Variants in LNX1 observed in about 807,000 individuals in gnomAD.
LNX1 encodes the protein E3 ubiquitin-protein ligase LNX.
A neutral mutation model predicts 68.4 loss-of-function variants in LNX1; 54 were observed. The ratio of observed to expected loss-of-function variants is 0.79; its 90% CI spans 0.63 to 0.99. The LOEUF (loss-of-function observed/expected upper bound fraction) is 0.99, where lower values mean the gene tolerates loss of function less well. Ranked by LOEUF, LNX1 falls within the 50% of genes least tolerant of loss-of-function variation. The pLI is 0.00. For missense variants in LNX1, 906 were observed against 926.4 expected (o/e 0.98, Z 0.29); for synonymous variants, 336 against 350.0 (o/e 0.96, Z 0.45).
At chr4:53,505,957 A>G (rs1167570727) in intron 4 of LNX1, among the ~76,000 whole-genome samples, 1 of 152,216 alleles carries the variant, frequency 6.6e-6, no homozygotes, top group Admixed American at 6.5e-5. Flanking sequence ...TAATAAGCTG[A>G]GAGCTGTTAG....
intron 1 of LNX1, among the ~76,000 whole-genome samples, chr4:53,580,353 C>T (rs1344896220): frequency 6.6e-6 from 1 of 152,170 alleles, no homozygotes; most frequent in Non-Finnish European, 1.5e-5. Context: ...CTTTCACATC[C>T]AAATCTCTTC....
intron 9 of LNX1, among the ~76,000 whole-genome samples, chr4:53,472,452 C>G (rs1224820350): frequency 6.6e-6 from 1 of 151,062 alleles, no homozygotes; most frequent in African/African-American, 2.4e-5. Flanking sequence ...CTAACCTGCA[C>G]GTTGTGCATA....
intron 4 of LNX1, among the ~76,000 whole-genome samples, chr4:53,502,504 T>C (rs1262136083): frequency 6.6e-6 from 1 of 152,246 alleles, no homozygotes; most frequent in Non-Finnish European, 1.5e-5. Context: ...TTCAGCTTGT[T>C]GTAATCTTTT....
At chr4:53,466,486 C>T (rs1376206831) in intron 9 of LNX1, among the ~76,000 whole-genome samples, 4 of 152,094 alleles carry the variant, frequency 2.6e-5, no homozygotes, top group Non-Finnish European at 4.4e-5. Context: ...GAGTGCCAGA[C>T]GGTGCAGGAC....
intron 2 of LNX1, among the ~76,000 whole-genome samples, chr4:53,601,011 G>A (rs1217237848): frequency 2.0e-5 from 3 of 148,440 alleles, no homozygotes; most frequent in African/African-American, 7.4e-5. Flanking sequence ...CCGGGAGGCC[G>A]AGGTTGCAGT....
At chr4:53,617,307 A>G (rs1222505568) in exon 1 of LNX1, 2 of 152,178 alleles carry the variant, frequency 1.3e-5, no homozygotes, top group South Asian at 4.1e-4. Context: ...CTCAGGGCAA[A>G]ACCACAGCTT....
intron 2 of LNX1, among the ~76,000 whole-genome samples, chr4:53,527,065 A>AAC (rs1489997231): frequency 6.6e-6 from 1 of 151,354 alleles, no homozygotes; most frequent in Non-Finnish European, 1.5e-5. Flanking sequence ...AAAAAAAAAA[A>AAC]AAAAAAACTA....
Position 53,507,354 on chromosome 4 carries a change from C to T in LNX1, c.738G>A (p.Gln246=). ...TGGTGTTTTCAGAATTTTCCCTGCC[C>T]TGGTCGGCATGGTTGGCAACTGCAC... is the stretch of plus-strand genomic sequence containing the variant. ...SGSAVANHAD[Q]GRENSENTTA... Residue 246 remains glutamine (Q), a synonymous_variant, in exon 4 of 11, where the codon CAG becomes CAA. Transcript: ENST00000263925. 2 of 1,614,146 alleles carry T rather than the reference C, an allele frequency of 1.2e-6. No individual in the cohort carries two copies. The highest frequency in any genetic ancestry group is 1.7e-6 in the Non-Finnish European group (2 of 1,180,032).
chr4:53,508,398 A>C, intron 2 of LNX1, 171 bp from the exon 3 acceptor site: 1 of 754,804 alleles, frequency 1.3e-6, no homozygotes, highest in Non-Finnish European at 2.1e-6. Context: ...TACTCAATAT[A>C]CATTTGCCAA....
In LNX1 at chr4:53,470,333, C is replaced by T. The variant is rs182367208; in HGVS notation, c.1892+6420G>A. On this transcript the variant is annotated intron_variant, in intron 9 of 10. Transcript: ENST00000263925. ...CTCAATAAATTAGGTATTGATGGGA[C>T]GTATCTCAAAATAATAAGAGCTATC... is the stretch of plus-strand genomic sequence containing the variant. Among the ~76,000 whole-genome samples the T allele has an allele frequency of 6.5e-3, 986 of 152,270 alleles. 12 individuals are homozygous for T. The highest frequency in any genetic ancestry group is 0.023 in the African/African-American group (944 of 41,540).
intron 4 of LNX1, chr4:53,500,557 G>A (rs1401775450): frequency 1.3e-5 from 2 of 152,118 alleles, no homozygotes; most frequent in Non-Finnish European, 2.9e-5. Flanking sequence ...GAATTAATAA[G>A]TACTCAACTC....
chr4:53,472,732 C>T (rs1425542758), intron 9 of LNX1, among the ~76,000 whole-genome samples: 3 of 139,446 alleles, frequency 2.2e-5, no homozygotes, highest in Non-Finnish European at 4.6e-5. Context: ...GGACTCTTTG[C>T]AATATAATTG....
chr4:53,461,448 C>G lies in LNX1; in HGVS notation c.2038G>C (p.Asp680His). 1.2e-6 allele frequency: 2 copies of G among 1,607,034 alleles called. No individual in the cohort carries two copies. The highest frequency in any genetic ancestry group is 1.7e-6 in the Non-Finnish European group (2 of 1,176,622). Residue 680 changes from aspartate to histidine, a missense_variant, in exon 10 of 11, where the codon GAT (aspartate) becomes CAT (histidine). Physicochemically the swap from Asp to His is moderately conservative, Grantham distance 81. Transcript: ENST00000263925. ...CATTATTATTACCTAATTCTTCCAT[C>G]ATTGTATGCTGGTGTTCCTTCAACA... Reference protein sequence around the residue: ...SIVEGTPAYNDGRIRCGDILL... With the variant: ...SIVEGTPAYNHGRIRCGDILL...
chr4:53,617,080 A>G (rs879806169), intron 1 of LNX1, among the ~76,000 whole-genome samples: 4 of 152,232 alleles, frequency 2.6e-5, no homozygotes, highest in Non-Finnish European at 5.9e-5. Flanking sequence ...GTTATAAAAC[A>G]TATAAACTAT....
intron 9 of LNX1, among the ~76,000 whole-genome samples, chr4:53,465,829 T>A (rs1284818613): frequency 6.6e-6 from 1 of 152,202 alleles, no homozygotes; most frequent in Non-Finnish European, 1.5e-5. Flanking sequence ...ATTCACCCAA[T>A]GTTTCTAAGC....
At chr4:53,613,578 G>C (rs1416221252) in intron 2 of LNX1, among the ~76,000 whole-genome samples, 1 of 152,108 alleles carries the variant, frequency 6.6e-6, no homozygotes, top group Non-Finnish European at 1.5e-5. Flanking sequence ...CTGTTCCTGT[G>C]TTACCTTGCT....
Position 53,538,851 on chromosome 4 carries a change from TA to T in LNX1, c.381-30625del, listed in dbSNP as rs552382443. On this transcript the variant is annotated intron_variant, in intron 2 of 10. Transcript: ENST00000263925. ...AGAGCCCTTTTGGGGAGAAAAAAAA[TA>T]AAAGGTAACTGAAGACCCTCAATAG... 1.2e-4 allele frequency among the ~76,000 whole-genome samples: 19 copies of T among 152,002 alleles called. No homozygotes were observed. The South Asian group carries it at 3.5e-3, about 28-fold the overall frequency.
intron 2 of LNX1, among the ~76,000 whole-genome samples, chr4:53,611,307 A>G (rs1337590601): frequency 5.9e-5 from 9 of 152,204 alleles, no homozygotes; most frequent in Admixed American, 5.9e-4. Context: ...AAGTTATACT[A>G]AAATATGCAA....
intron 1 of LNX1, among the ~76,000 whole-genome samples, chr4:53,623,172 C>G (rs1484542091): frequency 6.6e-6 from 1 of 151,170 alleles, no homozygotes; most frequent in African/African-American, 2.4e-5. Context: ...CTTAGTTGTA[C>G]CTGAGGATGA....
Sources: gnomAD v4.1 joint callset for allele counts (sites outside exome capture counted in the v4.1 genomes callset) on GRCh38, gnomAD v4.1.1 for gene constraint, MANE v1.5 for transcripts, NCBI Gene and HGNC (gene_info 2026-07-23, HGNC 2026-07-21) for gene names.